Variants in BICD1 observed in about 807,000 individuals in gnomAD.
BICD1 encodes protein bicaudal D homolog 1.
In BICD1, 35 loss-of-function variants were observed where a neutral mutation model predicts 92.5. The observed-to-expected ratio is 0.38, with a 90% CI of 0.29 to 0.50. The LOEUF is 0.50. Ranked by LOEUF, BICD1 falls within the 20% of genes least tolerant of loss-of-function variation. The pLI, the probability that BICD1 is intolerant of heterozygous loss-of-function variation, is 0.93. For missense variants in BICD1, 950 were observed against 1,189.8 expected, an observed-to-expected ratio of 0.80 and a Z score of 2.97; for synonymous variants, 429 against 465.1, an observed-to-expected ratio of 0.92 and a Z score of 1.00.
intron 1 of BICD1, among the ~76,000 whole-genome samples, chr12:32,145,359 T>A (rs1943070905): frequency 6.6e-6 from 1 of 152,214 alleles, no homozygotes; most frequent in East Asian, 1.9e-4. Context: ...GAATTCATTG[T>A]GGCTGTCAAA....
chr12:32,319,827 G>A (rs1481726013), intron 4 of BICD1, among the ~76,000 whole-genome samples: 1 of 151,974 alleles, frequency 6.6e-6, no homozygotes, highest in African/African-American at 2.4e-5. Context: ...CTCCCGCCTT[G>A]GTCTCCCAAA....
chr12:32,239,178 C>T (rs1450031787), intron 2 of BICD1, among the ~76,000 whole-genome samples: 2 of 137,876 alleles, frequency 1.5e-5, no homozygotes, highest in African/African-American at 2.7e-5. Flanking sequence ...ACCTGGCAGG[C>T]GGAGGTTGCA....
chr12:32,339,476 C>T, intron 8 of BICD1: 1 of 985,574 alleles, frequency 1.0e-6, no homozygotes, highest in East Asian at 1.1e-4. Flanking sequence ...TTTTGCTCCT[C>T]AAGAACATTT....
At position 32,383,195 on chromosome 12, in the gene BICD1, T is replaced by C. The variant is rs1182574091; in HGVS notation, c.*5568T>C. 2 of 152,138 alleles carry C rather than the reference T, an allele frequency of 1.3e-5. No homozygotes were observed. The highest frequency in any genetic ancestry group is 4.8e-5 in the African/African-American group (2 of 41,452). 9.4% of individuals were successfully genotyped at this position (152,138 alleles called of 1,614,324 possible). On this transcript the variant is annotated 3_prime_UTR_variant, in exon 10 of 10. Transcript: ENST00000652176. ...ACTGTTCCTACATTTAATTGCAGTT[T>C]AATTATTATGCCTTTTGGGGTTAAA...
chr12:32,108,618 T>C (rs1166892176), intron 1 of BICD1: 5 of 679,936 alleles, frequency 7.4e-6, no homozygotes, highest in African/African-American at 1.8e-5. Context: ...ATATCAAAAA[T>C]CTATTATTTA....
intron 4 of BICD1, among the ~76,000 whole-genome samples, chr12:32,314,339 G>A (rs534903267): frequency 1.3e-5 from 2 of 148,662 alleles, no homozygotes. Flanking sequence ...TACCTTCTGA[G>A]GAACTGCTAG....
At chr12:32,345,716 G>A (rs1938539933) in intron 8 of BICD1, among the ~76,000 whole-genome samples, 1 of 152,172 alleles carries the variant, frequency 6.6e-6, no homozygotes, top group Non-Finnish European at 1.5e-5. Flanking sequence ...ATGTTTCTAT[G>A]TGTGCAATAG....
intron 1 of BICD1, among the ~76,000 whole-genome samples, chr12:32,187,497 C>A (rs1944449383): frequency 6.6e-6 from 1 of 152,068 alleles, no homozygotes; most frequent in Non-Finnish European, 1.5e-5. Flanking sequence ...CATGGTGAAA[C>A]CCCGTCTGTA....
In BICD1 at chr12:32,192,453, A is replaced by ATAG. The variant is rs1565577520; in HGVS notation, c.214-23794_214-23793insTAG. On this transcript the variant is annotated intron_variant, in intron 1 of 9. Transcript: ENST00000652176. The stretch of plus-strand genomic sequence containing the variant: ...TGTTAAATAAATAAATAAATAAATA[A>ATAG]ATAGATAGATAGATAGATAGATAGA... 2.8e-3 allele frequency among the ~76,000 whole-genome samples: 415 copies of ATAG among 149,172 alleles called. 1 individual carries two copies. The highest frequency in any genetic ancestry group is 4.9e-3 in the African/African-American group (198 of 40,132).
At chr12:32,177,441 C>CT (rs148215433) in intron 1 of BICD1, among the ~76,000 whole-genome samples, 108 of 136,548 alleles carry the variant, frequency 7.9e-4, no homozygotes, top group Middle Eastern at 7.4e-3. Context: ...GTTTCTGGGA[C>CT]TTTTTTTTTT....
In BICD1 at chr12:32,377,928, C is replaced by T. The variant is rs1940041457; in HGVS notation, c.*301C>T. On this transcript the variant is annotated 3_prime_UTR_variant, in exon 10 of 10. Transcript: ENST00000652176. ...ACGTGTCTCAGATGGCTGGCTTTACCTCGATAGCATAAGAGAGACCTAAGA... is the reference window on the plus strand; with the variant it reads ...ACGTGTCTCAGATGGCTGGCTTTACTTCGATAGCATAAGAGAGACCTAAGA... 1 of 299,546 alleles carries T rather than the reference C, an allele frequency of 3.3e-6. No individual in the cohort carries two copies. The highest frequency in any genetic ancestry group is 6.4e-6 in the Non-Finnish European group (1 of 156,642). The allele number at this position is 299,546 out of a possible 1,614,324, so 18.6% of individuals were successfully genotyped here. A position where few individuals can be genotyped will look rare whatever the true frequency, so the allele number is the denominator to read the frequency against.
In BICD1 at chr12:32,378,460, A is replaced by G. The variant is rs1327695515; in HGVS notation, c.*833A>G. On this transcript the variant is annotated 3_prime_UTR_variant, in exon 10 of 10. Transcript: ENST00000652176. ...TTTTTCATTGCAGTTGAGTAGATGTACTGGTGCTGCTCCTTTGTATGTGTG... is the reference window on the plus strand; with the variant it reads ...TTTTTCATTGCAGTTGAGTAGATGTGCTGGTGCTGCTCCTTTGTATGTGTG... 6.6e-6 allele frequency: 1 copy of G among 152,166 alleles called. No homozygotes were observed. Among genetic ancestry groups the G allele is most frequent in the Non-Finnish European group, 1.5e-5 (1 of 68,022 alleles). The allele number at this position is 152,166 out of a possible 1,614,324, so 9.4% of individuals were successfully genotyped here.
At chr12:32,112,564 A>G (rs189297336) in intron 1 of BICD1, among the ~76,000 whole-genome samples, 36 of 152,356 alleles carry the variant, frequency 2.4e-4, no homozygotes, top group South Asian at 4.1e-4. Context: ...TGAAATATAC[A>G]TAAAGGACTT....
chr12:32,320,747 C>G (rs556527598), intron 4 of BICD1, among the ~76,000 whole-genome samples: 1 of 152,216 alleles, frequency 6.6e-6, no homozygotes, highest in East Asian at 1.9e-4. Flanking sequence ...ATGTTGTATA[C>G]TTACACTAGA....
chr12:32,193,896 C>T (rs1397279289), intron 1 of BICD1, among the ~76,000 whole-genome samples: 1 of 152,118 alleles, frequency 6.6e-6, no homozygotes. Context: ...GATAAGGACA[C>T]TACAAGAAAA....
At chr12:32,358,312 G>A (rs1218615394) in intron 8 of BICD1, among the ~76,000 whole-genome samples, 1 of 151,880 alleles carries the variant, frequency 6.6e-6, no homozygotes, top group East Asian at 1.9e-4. Flanking sequence ...TGTTGGCCAG[G>A]CTGGTCTTGA....
In BICD1 at chr12:32,141,542, C is replaced by T. The variant is rs542358625; in HGVS notation, c.213+33998C>T. On this transcript the variant is annotated intron_variant, in intron 1 of 9. Coordinates refer to ENST00000652176, the MANE Select transcript of BICD1 (RefSeq NM_001714.4). The stretch of plus-strand genomic sequence containing the variant: ...AGGCTGGAGTGCAGTGGTGCAATCT[C>T]GGCTCACTGCACCCTCCACCTCCTG... 4.6e-5 allele frequency among the ~76,000 whole-genome samples: 7 copies of T among 152,200 alleles called. No homozygotes were observed. In the South Asian group the frequency reaches 6.2e-4, roughly 14 times the overall value.
chr12:32,222,095 A>G (rs1945549371), intron 2 of BICD1, among the ~76,000 whole-genome samples: 1 of 152,250 alleles, frequency 6.6e-6, no homozygotes, highest in South Asian at 2.1e-4. Flanking sequence ...TCTCCCAATT[A>G]CTAGCTAATG....
chr12:32,257,918 A>G (rs1343691706), intron 2 of BICD1, among the ~76,000 whole-genome samples: 1 of 152,194 alleles, frequency 6.6e-6, no homozygotes, highest in Non-Finnish European at 1.5e-5. Flanking sequence ...ACTATACTAC[A>G]TTTAATTTTT....
Sources: gnomAD v4.1 joint callset for allele counts (sites outside exome capture counted in the v4.1 genomes callset) on GRCh38, gnomAD v4.1.1 for gene constraint, MANE v1.5 for transcripts, NCBI Gene and HGNC (gene_info 2026-07-23, HGNC 2026-07-21) for gene names.